The following ADGRD1 variants were observed in gnomAD, a reference collection of about 807,000 sequenced individuals.
ADGRD1 encodes adhesion G protein-coupled receptor D1, also known as G-protein coupled receptor 133.
ADGRD1 carries 77 observed loss-of-function variants against 113.4 expected under a neutral mutation model. That is an observed-to-expected ratio of 0.68 (90% CI 0.57 to 0.82). The LOEUF is 0.82. Ranked by LOEUF, ADGRD1 falls within the 40% of genes least tolerant of loss-of-function variation. The probability of loss-of-function intolerance (pLI) is 0.00; values close to 1 mark genes in which losing one functional copy is unlikely to be tolerated. For synonymous variants in ADGRD1, 474 were observed against 475.0 expected (o/e 1.00, Z 0.03); for missense variants, 1,036 against 1,139.1 (o/e 0.91, Z 1.30).
chr12:131,137,755 C>A, intron 23 of ADGRD1: 1 of 292,324 alleles, frequency 3.4e-6, no homozygotes, highest in Non-Finnish European at 6.7e-6. Context: ...GCCCAGTGAC[C>A]CCTTGCAAGG....
intron 13 of ADGRD1, among the ~76,000 whole-genome samples, chr12:131,042,156 T>A (rs1012940742): frequency 2.0e-5 from 3 of 152,206 alleles, no homozygotes; most frequent in Non-Finnish European, 4.4e-5. Flanking sequence ...TGATCCAGAT[T>A]TTTTTGGTAA....
rs1157837311 is a variant in ADGRD1, at chr12:131,140,204, C to T, written c.*941C>T. On this transcript the variant is annotated 3_prime_UTR_variant, in exon 25 of 25. Coordinates refer to ENST00000261654, the MANE Select transcript of ADGRD1 (RefSeq NM_198827.5). ...GCATTTTCCAGGGCACTGCTTTCCC[C>T]AGAGGCTTCCTCATGGCTCACAGGC... 1.3e-5 allele frequency: 2 copies of T among 152,266 alleles called. No homozygotes were observed. The highest frequency in any genetic ancestry group is 2.9e-5 in the Non-Finnish European group (2 of 68,082). The allele number at this position is 152,266 out of a possible 1,614,324, so 9.4% of individuals were successfully genotyped here.
intron 8 of ADGRD1, chr12:130,994,102 C>A: frequency 3.7e-6 from 1 of 269,274 alleles, no homozygotes; most frequent in Admixed American, 3.9e-5. Flanking sequence ...CATGAAGGAG[C>A]TCTAGGGTGG....
chr12:131,139,549 G>A lies in ADGRD1; in HGVS notation c.*286G>A, dbSNP rs2136123196. 7.9e-6 allele frequency: 3 copies of A among 381,122 alleles called. No individual in the cohort carries two copies. In the Admixed American group the frequency reaches 1.2e-4, roughly 15 times the overall value. 23.6% of individuals were successfully genotyped at this position (381,122 alleles called of 1,614,324 possible). On this transcript the variant is annotated 3_prime_UTR_variant, in exon 25 of 25. Transcript: ENST00000261654. ...GACACAGTGGCCTGACTGTGATGGT[G>A]CCCTTGAGCCTCCCTTCATCACTCA... is the stretch of plus-strand genomic sequence containing the variant.
In ADGRD1 at chr12:131,004,234, A is replaced by G. The variant is rs1233211223; in HGVS notation, c.1193A>G (p.Tyr398Cys). 1.2e-6 allele frequency: 2 copies of G among 1,613,080 alleles called. No homozygotes were observed. The highest frequency in any genetic ancestry group is 2.7e-5 in the African/African-American group (2 of 74,640). Residue 398 changes from tyrosine (Y) to cysteine (C), a missense_variant, in exon 11 of 25, where the codon TAC becomes TGC. Tyr to Cys is a radical substitution (Grantham distance 194). Coordinates refer to ENST00000261654, the MANE Select transcript of ADGRD1 (RefSeq NM_198827.5). The stretch of plus-strand genomic sequence containing the variant: ...CCCAAGACCGTGAATTCCTCCCATT[A>G]CCGCTTCCCGGCCCACGGGCAGAGC... ...ILPKTVNSSH[Y>C]RFPAHGQSFI...
At chr12:131,138,988 G>C (rs933234733) in intron 24 of ADGRD1, among the ~76,000 whole-genome samples, 180 bp from the exon 25 acceptor site, 3 of 152,162 alleles carry the variant, frequency 2.0e-5, no homozygotes, top group African/African-American at 7.2e-5. Context: ...GGCTGGAGAC[G>C]CCACAGTGCG....
chr12:130,979,751 C>T (rs865998324), intron 4 of ADGRD1, among the ~76,000 whole-genome samples: 6 of 148,126 alleles, frequency 4.1e-5, no homozygotes, highest in South Asian at 2.3e-4. Flanking sequence ...CCAGGCTTGG[C>T]GGGGGTGAGG....
rs991730084 is a variant in ADGRD1 at position 131,057,029 on chromosome 12, G to A, written c.1474-19772G>A. ...AGATTTAGGATGCTGGGAAGGAGGG[G>A]GAGGATAATTACTAATTATGGTAGC... On this transcript the variant is annotated intron_variant, in intron 13 of 24. Coordinates refer to ENST00000261654, the MANE Select transcript of ADGRD1 (RefSeq NM_198827.5). This position sits in a 1 kb window ranked among gnomAD's most constrained non-coding sequence, Gnocchi z 4.2. Among the ~76,000 whole-genome samples, 1 of 152,108 alleles carries A rather than the reference G, an allele frequency of 6.6e-6. No individual in the cohort carries two copies. The highest frequency in any genetic ancestry group is 1.5e-5 in the Non-Finnish European group (1 of 68,018).
intron 13 of ADGRD1, among the ~76,000 whole-genome samples, chr12:131,040,785 G>C (rs1261985661): frequency 1.3e-5 from 2 of 152,258 alleles, no homozygotes; most frequent in African/African-American, 4.8e-5. Flanking sequence ...GGAAACGGCA[G>C]GCTTGCTCGC....
intron 13 of ADGRD1, among the ~76,000 whole-genome samples, chr12:131,072,612 G>T (rs1191285527): frequency 1.3e-5 from 2 of 152,150 alleles, no homozygotes; most frequent in East Asian, 1.9e-4. Context: ...CCATGTGTGT[G>T]GGGGGTGGCG....
At chr12:130,963,252 G>A (rs900395576) in intron 2 of ADGRD1, among the ~76,000 whole-genome samples, 6 of 149,828 alleles carry the variant, frequency 4.0e-5, no homozygotes, top group Non-Finnish European at 8.9e-5. Context: ...CCCGGGAGGC[G>A]GAGCTTGCAG....
chr12:131,054,328 T>C (rs1255580490), intron 13 of ADGRD1, among the ~76,000 whole-genome samples: 2 of 152,220 alleles, frequency 1.3e-5, no homozygotes, highest in Non-Finnish European at 2.9e-5. Flanking sequence ...CTAATACTTG[T>C]TCTTTCGCCA....
At chr12:131,064,366 C>G (rs1884555873) in intron 13 of ADGRD1, among the ~76,000 whole-genome samples, 2 of 152,156 alleles carry the variant, frequency 1.3e-5, no homozygotes, top group African/African-American at 2.4e-5. Flanking sequence ...TAATCATGAA[C>G]AGATATTGGA....
chr12:131,046,652 C>G (rs1882836951), intron 13 of ADGRD1, among the ~76,000 whole-genome samples: 1 of 140,926 alleles, frequency 7.1e-6, no homozygotes, highest in Non-Finnish European at 1.5e-5. Flanking sequence ...AGTGCTCCCT[C>G]CCTGGTCAGT....
At chr12:131,108,977 G>A in intron 18 of ADGRD1, 100 bp downstream of exon 18, 1 of 190,448 alleles carries the variant, frequency 5.3e-6, no homozygotes, top group Non-Finnish European at 1.0e-5. Context: ...TGGAAGTGGG[G>A]ACAGAAGGGG....
chr12:130,981,720 G>A (rs897269860), intron 4 of ADGRD1, among the ~76,000 whole-genome samples, 164 bp from the exon 5 acceptor site: 1 of 152,156 alleles, frequency 6.6e-6, no homozygotes, highest in Non-Finnish European at 1.5e-5. Flanking sequence ...TAATAAACAT[G>A]AGCAAATATC....
chr12:131,042,372 C>T (rs1239620778), intron 13 of ADGRD1, among the ~76,000 whole-genome samples: 4 of 152,196 alleles, frequency 2.6e-5, no homozygotes, highest in East Asian at 1.9e-4. Flanking sequence ...CCCTGAGCCG[C>T]GTTCTTGCTG....
At chr12:130,986,199 T>A (rs1873651517) in intron 5 of ADGRD1, among the ~76,000 whole-genome samples, 1 of 152,328 alleles carries the variant, frequency 6.6e-6, no homozygotes, top group Admixed American at 6.5e-5. Context: ...CTTGATGAGA[T>A]TTTTATTGGG....
chr12:130,997,061 T>C (rs1217815929), intron 8 of ADGRD1, among the ~76,000 whole-genome samples: 1 of 115,920 alleles, frequency 8.6e-6, no homozygotes, highest in African/African-American at 3.4e-5. Context: ...GCAGAGGGGC[T>C]CCTCACTTCC....
Sources: allele counts gnomAD v4.1 joint callset (sites outside exome capture counted in the v4.1 genomes callset), GRCh38; gene constraint gnomAD v4.1.1; non-coding constraint Gnocchi (gnomAD v3.1); transcripts MANE v1.5; gene names NCBI Gene and HGNC (gene_info 2026-07-23, HGNC 2026-07-21).